The following SLC5A1 variants were observed in gnomAD, a reference collection of about 807,000 sequenced individuals.
SLC5A1 encodes sodium/glucose cotransporter 1.
In SLC5A1, 42 loss-of-function variants were observed where a neutral mutation model predicts 73.5. That is an observed-to-expected ratio of 0.57 (90% CI 0.45 to 0.74). The LOEUF is 0.74. SLC5A1 is among the 30% of genes least tolerant of loss of function. SLC5A1 has a pLI of 0.00. For synonymous variants in SLC5A1, 300 were observed against 317.4 expected (o/e 0.95, Z 0.58); for missense variants, 634 against 855.4 (o/e 0.74, Z 3.23).
chr22:32,084,900 G>T lies in SLC5A1; in HGVS notation c.886G>T (p.Val296Phe). 6.2e-7 allele frequency: 1 copy of T among 1,614,140 alleles called. No homozygotes were observed. Among genetic ancestry groups the T allele is most frequent in the Non-Finnish European group, 8.5e-7 (1 of 1,180,032 alleles). The change falls in exon 9 of 15, where the codon GTC (valine) becomes TTC (phenylalanine). Residue 296 changes from valine (V) to phenylalanine (F), a missense_variant and splice_region_variant. Val to Phe is a conservative substitution (Grantham distance 50). Around this residue, in one of 3 missense-constraint regions of SLC5A1, gnomAD observed 422 missense variants for 626.1 expected, o/e 0.67. Transcript: ENST00000266088. ...TCCCTTACTGGGCTTTTTCTGGCAG[G>T]TCATTGTGCAGCGCTGCCTCTCAGC... ...LTLWYWCTDQ[V>F]IVQRCLSAKN...
At chr22:32,075,905 G>T (rs550924647) in intron 5 of SLC5A1, among the ~76,000 whole-genome samples, 9 of 152,324 alleles carry the variant, frequency 5.9e-5, no homozygotes, top group African/African-American at 2.2e-4. Context: ...CTCACTTCAA[G>T]ACACACAGGA....
intron 14 of SLC5A1, among the ~76,000 whole-genome samples, chr22:32,109,464 C>A (rs2094052278): frequency 6.6e-6 from 1 of 152,202 alleles, no homozygotes; most frequent in South Asian, 2.1e-4. Flanking sequence ...TTGCTCATTG[C>A]TGCGCCGCAA....
chr22:32,083,259 G>A (rs987014204), intron 7 of SLC5A1, 105 bp downstream of exon 7: 2 of 912,398 alleles, frequency 2.2e-6, no homozygotes, highest in East Asian at 2.6e-5. Flanking sequence ...ACTAGGCAGT[G>A]AGCTGAGGCA....
intron 2 of SLC5A1, among the ~76,000 whole-genome samples, chr22:32,053,274 T>C (rs551442409): frequency 6.6e-6 from 1 of 152,264 alleles, no homozygotes; most frequent in Admixed American, 6.5e-5. Context: ...TTTTCCTCCC[T>C]TTTCTTCTCT....
chr22:32,085,064 A>C (rs1351276132), intron 9 of SLC5A1, 29 bp downstream of exon 9: 9 of 1,611,526 alleles, frequency 5.6e-6, no homozygotes, highest in Non-Finnish European at 7.6e-6. Context: ...CCCACAAACC[A>C]CTCTCCCTTT....
chr22:32,100,755 T>A (rs1243863653), intron 12 of SLC5A1, among the ~76,000 whole-genome samples: 2 of 152,164 alleles, frequency 1.3e-5, no homozygotes, highest in Non-Finnish European at 2.9e-5. Context: ...GGGGGATGAA[T>A]AGGGAACATA....
At chr22:32,057,800 AG>A (rs1446229827) in intron 2 of SLC5A1, among the ~76,000 whole-genome samples, 1 of 152,182 alleles carries the variant, frequency 6.6e-6, no homozygotes, top group Non-Finnish European at 1.5e-5. Flanking sequence ...TTCTATTTCC[AG>A]GCACACAAAA....
chr22:32,044,070 C>G (rs2093933854), intron 1 of SLC5A1, among the ~76,000 whole-genome samples: 1 of 152,152 alleles, frequency 6.6e-6, no homozygotes, highest in South Asian at 2.1e-4. Flanking sequence ...CCTTTTGGGA[C>G]TCTGGGGACA....
chr22:32,067,263 G>A (rs544450521), intron 3 of SLC5A1, among the ~76,000 whole-genome samples: 40 of 151,958 alleles, frequency 2.6e-4, no homozygotes, highest in Non-Finnish European at 4.7e-4. Flanking sequence ...TATTTTTTCT[G>A]TTTTCTCTTC....
At chr22:32,105,005 AG>A in intron 14 of SLC5A1, 114 bp downstream of exon 14, 3 of 783,210 alleles carry the variant, frequency 3.8e-6, no homozygotes, top group Non-Finnish European at 6.6e-6. Context: ...TCTCCCCTCC[AG>A]GGCAGTGAGG....
Position 32,110,127 on chromosome 22 carries a change from G to C in SLC5A1, c.1909G>C (p.Glu637Gln). The C allele has an allele frequency of 6.2e-7, 1 of 1,614,190 alleles. No individual in the cohort carries two copies. The change falls in exon 15 of 15, where the codon GAG (glutamate) becomes CAG (glutamine). Residue 637 changes from glutamate (E) to glutamine (Q), a missense_variant. Transcript: ENST00000266088. The part of the protein sequence containing the change: ...AMKMKMTDTS[E>Q]KPLWRTVLNV... ...GAAGATGAAGATGACGGACACCTCT[G>C]AGAAGCCTTTGTGGAGGACAGTGTT...
intron 2 of SLC5A1, among the ~76,000 whole-genome samples, chr22:32,051,013 G>C (rs2093944444): frequency 6.6e-6 from 1 of 152,190 alleles, no homozygotes; most frequent in Admixed American, 6.5e-5. Flanking sequence ...AAGCTCAGGG[G>C]CTGAGCTTCG....
chr22:32,056,763 C>T (rs1470455797), intron 2 of SLC5A1, among the ~76,000 whole-genome samples: 1 of 152,128 alleles, frequency 6.6e-6, no homozygotes, highest in Non-Finnish European at 1.5e-5. Context: ...GGTTTGTTAA[C>T]AAAGAAAAAT....
Position 32,095,146 on chromosome 22 carries a change from G to T in SLC5A1, c.1280+3384G>T, listed in dbSNP as rs1425873451. On this transcript the variant is annotated intron_variant, in intron 11 of 14. Coordinates refer to ENST00000266088, the MANE Select transcript of SLC5A1 (RefSeq NM_000343.4). Reference sequence around the variant, plus strand: ...TTATTTAATTTCCATGTATTTGCATGGTTTTGAAGGTTCCCTTTGAAGTTG... The same window carrying T: ...TTATTTAATTTCCATGTATTTGCATTGTTTTGAAGGTTCCCTTTGAAGTTG... Among the ~76,000 whole-genome samples the T allele has an allele frequency of 2.6e-5, 4 of 152,090 alleles. No homozygotes were observed. In the East Asian group the frequency reaches 5.8e-4, roughly 22 times the overall value.
chr22:32,073,554 GT>G (rs2093986040), intron 5 of SLC5A1, among the ~76,000 whole-genome samples: 1 of 151,332 alleles, frequency 6.6e-6, no homozygotes, highest in South Asian at 2.1e-4. Flanking sequence ...TGTTTTTTTT[GT>G]TTGTTTGTTT....
chr22:32,099,407 TG>T, intron 12 of SLC5A1, 56 bp downstream of exon 12: 1 of 1,471,444 alleles, frequency 6.8e-7, no homozygotes, highest in African/African-American at 1.4e-5. Flanking sequence ...AGTTTCCATG[TG>T]GGTTTGCATA....
intron 14 of SLC5A1, among the ~76,000 whole-genome samples, chr22:32,105,397 G>A (rs779854426): frequency 2.0e-5 from 3 of 150,992 alleles, no homozygotes; most frequent in Admixed American, 6.6e-5. Flanking sequence ...GGGTTCAAGC[G>A]ATTCTCCTGC....
In SLC5A1 at chr22:32,043,421, G is replaced by A. The variant is rs769629488; in HGVS notation, c.135+5G>A. 1.9e-6 allele frequency: 3 copies of A among 1,613,796 alleles called. No homozygotes were observed. The highest frequency in any genetic ancestry group is 2.2e-5 in the South Asian group (2 of 90,970). ...GTGATGGCCGTCGGACTGTGGGTAT[G>A]CAGCGGGTTCTGGGATGCGGGTGGG... On this transcript the variant is annotated splice_donor_5th_base_variant and intron_variant, in intron 1 of 14. Coordinates refer to ENST00000266088, the MANE Select transcript of SLC5A1 (RefSeq NM_000343.4). This position sits in a 1 kb window ranked among gnomAD's most constrained non-coding sequence, Gnocchi z 6.5.
intron 4 of SLC5A1, among the ~76,000 whole-genome samples, 180 bp from the exon 5 acceptor site, chr22:32,068,316 G>A (rs2093977433): frequency 6.6e-6 from 1 of 152,190 alleles, no homozygotes; most frequent in Admixed American, 6.5e-5. Flanking sequence ...GGATTAAAAT[G>A]AGCAAATGGC....
Sources: gnomAD v4.1 joint callset for allele counts (sites outside exome capture counted in the v4.1 genomes callset) on GRCh38, gnomAD v4.1.1 for gene constraint, gnomAD v4.1.1 regional missense constraint, Gnocchi (gnomAD v3.1) non-coding constraint, MANE v1.5 for transcripts, NCBI Gene and HGNC (gene_info 2026-07-23, HGNC 2026-07-21) for gene names.